STK10: variants seen among roughly 807,000 people sequenced by gnomAD.
The protein encoded by STK10 is serine/threonine kinase 10.
In STK10, 78 loss-of-function variants were observed where a neutral mutation model predicts 113.8. The observed-to-expected ratio is 0.69, with a 90% CI of 0.57 to 0.83. The LOEUF (loss-of-function observed/expected upper bound fraction) is 0.83, where lower values mean the gene tolerates loss of function less well. Ranked by LOEUF, STK10 falls within the 40% of genes least tolerant of loss-of-function variation. The probability of loss-of-function intolerance (pLI) is 0.00; values close to 1 mark genes in which losing one functional copy is unlikely to be tolerated. For synonymous variants in STK10, 465 were observed against 494.7 expected (o/e 0.94, Z 0.80); for missense variants, 1,109 against 1,280.1 (o/e 0.87, Z 2.04).
intron 2 of STK10, among the ~76,000 whole-genome samples, chr5:172,147,840 G>C (rs1770116578): frequency 6.6e-6 from 1 of 152,126 alleles, no homozygotes; most frequent in Non-Finnish European, 1.5e-5. Context: ...CTGTTTCCTG[G>C]GGCCTGCTCC....
chr5:172,068,575 T>A (rs1168266824), intron 12 of STK10, among the ~76,000 whole-genome samples: 1 of 152,194 alleles, frequency 6.6e-6, no homozygotes, highest in African/African-American at 2.4e-5. Context: ...TCAACACTTT[T>A]TCCCTTAAGA....
intron 12 of STK10, among the ~76,000 whole-genome samples, chr5:172,080,258 C>A (rs145001522): frequency 1.1e-3 from 162 of 152,310 alleles, no homozygotes; most frequent in African/African-American, 3.8e-3. Flanking sequence ...TCCCCTGTCT[C>A]TTCCCCTCTC....
At chr5:172,085,630 A>C (rs1184977458) in intron 10 of STK10, among the ~76,000 whole-genome samples, 3 of 149,246 alleles carry the variant, frequency 2.0e-5, no homozygotes, top group Non-Finnish European at 4.5e-5. Context: ...CAGAGGTTGT[A>C]GTGAGCCGAG....
At chr5:172,124,901 T>C (rs1769589023) in intron 3 of STK10, among the ~76,000 whole-genome samples, 1 of 152,196 alleles carries the variant, frequency 6.6e-6, no homozygotes, top group African/African-American at 2.4e-5. Context: ...TCCCCCACTA[T>C]TTTAAATAGC....
intron 10 of STK10, among the ~76,000 whole-genome samples, chr5:172,084,600 A>AT (rs1181504109): frequency 6.6e-6 from 1 of 152,058 alleles, no homozygotes; most frequent in East Asian, 1.9e-4. Context: ...ATAAAACACT[A>AT]ACACAGGAAA....
At position 172,087,626 on chromosome 5, in the gene STK10, T is replaced by TATTTATTTA. The variant is rs1461858138; in HGVS notation, c.1685+2605_1685+2606insTAAATAAAT. Among the ~76,000 whole-genome samples the TATTTATTTA allele has an allele frequency of 3.8e-4, 38 of 99,322 alleles. 4 individuals are homozygous for TATTTATTTA. The highest frequency in any genetic ancestry group is 1.8e-3 in the African/African-American group (37 of 20,718). 65.2% of individuals were successfully genotyped at this position (99,322 alleles called of 152,430 possible). A position where few individuals can be genotyped will look rare whatever the true frequency, so the allele number is the denominator to read the frequency against. Reference sequence around the variant, plus strand: ...TTTTAAATTTATTTACTTATTTATTTTTTTTTTTTTTTTGAGACGGAGTCT... The same window carrying TATTTATTTA: ...TTTTAAATTTATTTACTTATTTATTTATTTATTTATTTTTTTTTTTTTGAGACGGAGTCT... On this transcript the variant is annotated intron_variant, in intron 10 of 18. Coordinates refer to ENST00000176763, the MANE Select transcript of STK10 (RefSeq NM_005990.4).
rs1470470659 is a variant in STK10, at chr5:172,112,559, T to TA, written c.521-4708dup. 6.0e-5 allele frequency among the ~76,000 whole-genome samples: 9 copies of TA among 150,204 alleles called. No homozygotes were observed. The South Asian group carries it at 1.7e-3, about 28-fold the overall frequency. ...CCTCAGCCTCCCAAGTAGCTGGCAC[T>TA]ACAGGCACCTGCCACCATGCCCGGC... is the stretch of plus-strand genomic sequence containing the variant. On this transcript the variant is annotated intron_variant, in intron 4 of 18. Transcript: ENST00000176763.
chr5:172,150,202 T>C (rs932016727), intron 2 of STK10, among the ~76,000 whole-genome samples: 3 of 151,164 alleles, frequency 2.0e-5, no homozygotes, highest in African/African-American at 7.3e-5. Context: ...TCTCCTAGGC[T>C]GGGCATGGTG....
intron 5 of STK10, 199 bp from the exon 6 acceptor site, chr5:172,107,013 C>G (rs1769129687): frequency 5.4e-6 from 2 of 368,542 alleles, no homozygotes; most frequent in South Asian, 5.5e-5. Flanking sequence ...CTCCCCGCCA[C>G]GTCCTGCTGC....
At chr5:172,166,461 G>A (rs985023774) in intron 1 of STK10, among the ~76,000 whole-genome samples, 18 of 152,020 alleles carry the variant, frequency 1.2e-4, no homozygotes, top group Non-Finnish European at 2.4e-4. Context: ...CACACAACAC[G>A]CGTGTATCAA....
At chr5:172,127,526 G>C (rs757316561) in intron 2 of STK10, 105 bp from the exon 3 acceptor site, 87 of 1,209,066 alleles carry the variant, frequency 7.2e-5, no homozygotes, top group Non-Finnish European at 1.0e-4. Flanking sequence ...CCAATGCCTG[G>C]GTGCCCCTGC....
chr5:172,085,847 T>C (rs917910390), intron 10 of STK10, among the ~76,000 whole-genome samples: 2 of 152,092 alleles, frequency 1.3e-5, no homozygotes, highest in Non-Finnish European at 2.9e-5. Flanking sequence ...TGTGTCCTAG[T>C]CCAGTGCGGC....
chr5:172,067,794 T>A (rs1040940314), intron 12 of STK10, among the ~76,000 whole-genome samples: 6 of 151,726 alleles, frequency 4.0e-5, no homozygotes, highest in Non-Finnish European at 8.8e-5. Flanking sequence ...GAAAAAAAGA[T>A]GAAAAAGAGG....
intron 13 of STK10, 39 bp from the exon 14 acceptor site, chr5:172,061,307 G>A (rs765797726): frequency 2.6e-5 from 41 of 1,576,476 alleles, no homozygotes; most frequent in Non-Finnish European, 3.1e-5. Context: ...ATCCAGAGCC[G>A]GCTTGGGCAC....
chr5:172,092,022 A>G (rs919603836), intron 9 of STK10, among the ~76,000 whole-genome samples: 2 of 152,140 alleles, frequency 1.3e-5, no homozygotes, highest in African/African-American at 4.8e-5. Context: ...TCTCCTGCCC[A>G]TGGCACCTCG....
intron 2 of STK10, among the ~76,000 whole-genome samples, chr5:172,134,745 C>CAAAAAAAAA (rs33933488): frequency 1.5e-5 from 2 of 132,262 alleles, no homozygotes; most frequent in Admixed American, 7.7e-5. Context: ...CTCATATTTA[C>CAAAAAAAAA]AAAAAAAAAA....
chr5:172,148,108 C>T (rs1208806997), intron 2 of STK10, among the ~76,000 whole-genome samples: 3 of 152,168 alleles, frequency 2.0e-5, no homozygotes, highest in African/African-American at 7.2e-5. Flanking sequence ...TACACTGCTA[C>T]TGTCTGCCAG....
chr5:172,151,652 A>G (rs911297224), intron 2 of STK10, among the ~76,000 whole-genome samples: 2 of 151,936 alleles, frequency 1.3e-5, no homozygotes, highest in Non-Finnish European at 2.9e-5. Flanking sequence ...CCCACTTCAC[A>G]ATTTTATATC....
At chr5:172,124,823 C>T (rs1769586357) in intron 3 of STK10, among the ~76,000 whole-genome samples, 1 of 152,078 alleles carries the variant, frequency 6.6e-6, no homozygotes, top group Non-Finnish European at 1.5e-5. Flanking sequence ...TAATCTCTCC[C>T]TGTAATACAC....
Sources: allele counts gnomAD v4.1 joint callset (sites outside exome capture counted in the v4.1 genomes callset), GRCh38; gene constraint gnomAD v4.1.1; transcripts MANE v1.5; gene names NCBI Gene and HGNC (gene_info 2026-07-23, HGNC 2026-07-21).